MLLT3: variants seen among roughly 807,000 people sequenced by gnomAD.
The protein encoded by MLLT3 is protein AF-9.
MLLT3 carries 4 observed loss-of-function variants against 53.2 expected under a neutral mutation model. That is an observed-to-expected ratio of 0.08 (90% CI 0.04 to 0.17). MLLT3 has a LOEUF of 0.17. Among genes scored for constraint, MLLT3 ranks in the 10% least tolerant of loss-of-function variants. MLLT3 has a pLI of 1.00. For synonymous variants in MLLT3, 283 were observed against 230.6 expected (o/e 1.23, Z -2.06); for missense variants, 569 against 684.0 (o/e 0.83, Z 1.87).
At chr9:20,499,279 T>C (rs1308836596) in intron 2 of MLLT3, among the ~76,000 whole-genome samples, 1 of 152,172 alleles carries the variant, frequency 6.6e-6, no homozygotes. Flanking sequence ...TAAGGTCACA[T>C]TCAAAGGTAC....
chr9:20,445,879 C>T (rs1439016054), intron 4 of MLLT3, among the ~76,000 whole-genome samples: 1 of 152,144 alleles, frequency 6.6e-6, no homozygotes, highest in Non-Finnish European at 1.5e-5. Context: ...AGAAGTTTAT[C>T]TGAAGACATA....
At chr9:20,357,684 C>A (rs1821202951) in intron 8 of MLLT3, among the ~76,000 whole-genome samples, 1 of 152,126 alleles carries the variant, frequency 6.6e-6, no homozygotes, top group African/African-American at 2.4e-5. Flanking sequence ...CACTTTTATT[C>A]AGTATGAAAA....
At chr9:20,581,666 C>G (rs1178406518) in intron 2 of MLLT3, among the ~76,000 whole-genome samples, 1 of 152,148 alleles carries the variant, frequency 6.6e-6, no homozygotes, top group Non-Finnish European at 1.5e-5. Flanking sequence ...ATTCCATCCA[C>G]AGTTGATGAA....
At chr9:20,407,378 T>C (rs546873067) in intron 5 of MLLT3, among the ~76,000 whole-genome samples, 4 of 152,296 alleles carry the variant, frequency 2.6e-5, no homozygotes, top group Admixed American at 1.3e-4. Flanking sequence ...TGAGGATGTG[T>C]AAGAAGCTAG....
chr9:20,488,667 A>G (rs1339718921), intron 2 of MLLT3, among the ~76,000 whole-genome samples: 1 of 152,196 alleles, frequency 6.6e-6, no homozygotes, highest in Non-Finnish European at 1.5e-5. Context: ...TGATTCTTTC[A>G]AAGAGCTTCT....
intron 2 of MLLT3, among the ~76,000 whole-genome samples, chr9:20,459,216 T>G (rs190167396): frequency 1.3e-5 from 2 of 152,282 alleles, no homozygotes; most frequent in Admixed American, 1.3e-4. Context: ...GAAGCCCACC[T>G]TAGGAAAATT....
intron 4 of MLLT3, among the ~76,000 whole-genome samples, chr9:20,422,455 A>G (rs531898288): frequency 6.6e-6 from 1 of 152,296 alleles, no homozygotes; most frequent in East Asian, 1.9e-4. Flanking sequence ...ATTTACCCAG[A>G]TCTGTAAAAT....
At chr9:20,531,159 T>C (rs528220775) in intron 2 of MLLT3, among the ~76,000 whole-genome samples, 2 of 139,850 alleles carry the variant, frequency 1.4e-5, no homozygotes, top group African/African-American at 2.6e-5. Context: ...TTTGGAAACA[T>C]AGTCTTGCTC....
At chr9:20,352,849 A>G (rs1470788856) in intron 10 of MLLT3, among the ~76,000 whole-genome samples, 1 of 152,102 alleles carries the variant, frequency 6.6e-6, no homozygotes. Flanking sequence ...AATTTAGAAC[A>G]CACATTCTTC....
chr9:20,555,987 C>G (rs1223845798), intron 2 of MLLT3, among the ~76,000 whole-genome samples: 1 of 152,146 alleles, frequency 6.6e-6, no homozygotes, highest in Non-Finnish European at 1.5e-5. Context: ...TTGACTGGCA[C>G]TGCTATAATA....
chr9:20,597,347 G>A (rs934537047), intron 2 of MLLT3, among the ~76,000 whole-genome samples: 7 of 150,924 alleles, frequency 4.6e-5, no homozygotes, highest in African/African-American at 1.7e-4. Flanking sequence ...ATGTGCAAAG[G>A]TCTGAGTAAC....
At chr9:20,468,744 T>C (rs1016822292) in intron 2 of MLLT3, among the ~76,000 whole-genome samples, 2 of 152,202 alleles carry the variant, frequency 1.3e-5, no homozygotes, top group Non-Finnish European at 2.9e-5. Context: ...CTTCCACATC[T>C]AAAATCCTAA....
chr9:20,565,243 C>T (rs1212243351), intron 2 of MLLT3, among the ~76,000 whole-genome samples: 1 of 151,866 alleles, frequency 6.6e-6, no homozygotes, highest in Non-Finnish European at 1.5e-5. Flanking sequence ...AAGTGTGTTA[C>T]TGATCAAACT....
intron 2 of MLLT3, among the ~76,000 whole-genome samples, chr9:20,551,602 C>A (rs990547926): frequency 1.3e-5 from 2 of 152,102 alleles, no homozygotes; most frequent in African/African-American, 4.8e-5. Flanking sequence ...ACCTTCAAAG[C>A]TGAAAGTGCT....
chr9:20,601,158 T>G (rs1280919268), intron 2 of MLLT3, among the ~76,000 whole-genome samples: 1 of 151,930 alleles, frequency 6.6e-6, no homozygotes, highest in Non-Finnish European at 1.5e-5. Flanking sequence ...AAACTTCACT[T>G]TGGGCTACCC....
intron 2 of MLLT3, among the ~76,000 whole-genome samples, chr9:20,587,057 G>A (rs1227513848): frequency 4.0e-5 from 6 of 151,830 alleles, no homozygotes; most frequent in Admixed American, 2.0e-4. Flanking sequence ...ATAAAACCAA[G>A]TACAAAATAA....
chr9:20,398,066 C>A (rs1399756814), intron 5 of MLLT3, among the ~76,000 whole-genome samples: 3 of 151,996 alleles, frequency 2.0e-5, no homozygotes, highest in Non-Finnish European at 4.4e-5. Flanking sequence ...TGCATTTTTT[C>A]ATTCATTCTT....
intron 2 of MLLT3, among the ~76,000 whole-genome samples, chr9:20,464,902 T>C (rs1445048814): frequency 6.6e-6 from 1 of 152,186 alleles, no homozygotes; most frequent in Non-Finnish European, 1.5e-5. Flanking sequence ...GGTCTGGCTC[T>C]TATAATTTCA....
chr9:20,444,776 G>A (rs1299884818), intron 4 of MLLT3, among the ~76,000 whole-genome samples: 1 of 152,130 alleles, frequency 6.6e-6, no homozygotes, highest in Admixed American at 6.6e-5. Flanking sequence ...GGAGGCTGAG[G>A]TGGGAGGATC....
Sources: gnomAD v4.1 joint callset for allele counts (sites outside exome capture counted in the v4.1 genomes callset) on GRCh38, gnomAD v4.1.1 for gene constraint, MANE v1.5 for transcripts, NCBI Gene and HGNC (gene_info 2026-07-23, HGNC 2026-07-21) for gene names.